CCDC175: variants seen among roughly 807,000 people sequenced by gnomAD.
CCDC175 encodes the protein coiled-coil domain-containing protein 175.
Under a neutral mutation model 114.6 loss-of-function variants are expected in CCDC175, and 100 were observed. The observed-to-expected ratio is 0.87, with a 90% CI of 0.74 to 1.03. CCDC175 has a LOEUF of 1.03. CCDC175 is among the 50% of genes least tolerant of loss of function. The probability of loss-of-function intolerance (pLI) is 0.00; values close to 1 mark genes in which losing one functional copy is unlikely to be tolerated. For missense variants in CCDC175, 880 were observed against 917.8 expected (o/e 0.96, Z 0.53); for synonymous variants, 306 against 308.7 (o/e 0.99, Z 0.09).
intron 13 of CCDC175, among the ~76,000 whole-genome samples, chr14:59,532,987 G>A (rs1321304542): frequency 6.6e-6 from 1 of 152,158 alleles, no homozygotes. Flanking sequence ...CACATAATTG[G>A]AAGGAAATGC....
chr14:59,562,151 C>G (rs1896255410), intron 6 of CCDC175, among the ~76,000 whole-genome samples: 1 of 152,218 alleles, frequency 6.6e-6, no homozygotes, highest in Non-Finnish European at 1.5e-5. Flanking sequence ...GATCAATCAT[C>G]AGAATTAGGG....
chr14:59,543,487 C>T, intron 9 of CCDC175, 33 bp from the exon 10 acceptor site: 2 of 852,290 alleles, frequency 2.3e-6, no homozygotes, highest in South Asian at 2.1e-5. Context: ...TTGTTGAAGG[C>T]TGACATAAAT....
chr14:59,574,376 C>T (rs1168670240), intron 2 of CCDC175, among the ~76,000 whole-genome samples: 1 of 152,172 alleles, frequency 6.6e-6, no homozygotes, highest in Non-Finnish European at 1.5e-5. Context: ...ATGTCTGTGA[C>T]ACCTCAGAAG....
chr14:59,509,201 C>T (rs1892616048), intron 19 of CCDC175, among the ~76,000 whole-genome samples: 1 of 152,128 alleles, frequency 6.6e-6, no homozygotes, highest in Non-Finnish European at 1.5e-5. Context: ...GAAGACAGTG[C>T]CCTTGACACT....
intron 14 of CCDC175, among the ~76,000 whole-genome samples, chr14:59,530,888 T>A (rs1894032042): frequency 6.6e-6 from 1 of 152,170 alleles, no homozygotes; most frequent in Non-Finnish European, 1.5e-5. Context: ...ATGTCTCTTC[T>A]TTCATCATCT....
chr14:59,531,011 T>G (rs1490077687), intron 14 of CCDC175, among the ~76,000 whole-genome samples: 3 of 152,018 alleles, frequency 2.0e-5, no homozygotes, highest in African/African-American at 7.3e-5. Flanking sequence ...AAAAGATGAT[T>G]CTGGGCCAGG....
intron 13 of CCDC175, 40 bp downstream of exon 13, chr14:59,537,983 A>G (rs1467466527): frequency 7.2e-7 from 1 of 1,395,654 alleles, no homozygotes; most frequent in Non-Finnish European, 9.7e-7. Flanking sequence ...CCCCTCATGT[A>G]GTCATCCAAA....
intron 11 of CCDC175, 119 bp downstream of exon 11, chr14:59,540,556 G>T (rs1894713380): frequency 1.8e-6 from 2 of 1,141,238 alleles, no homozygotes; most frequent in South Asian, 3.1e-5. Flanking sequence ...CATAATTTAG[G>T]AAAATCATTC....
Position 59,576,665 on chromosome 14 carries a change from C to T in CCDC175, c.111G>A (p.Leu37=), listed in dbSNP as rs1322462341. ...SLELCTLPST[L]GSSVAVEALE... ...GCGCCTCGACCGCGACCGAGGAGCC[C>T]AGGGTGGAGGGTAAGGTGCATAACT... Residue 37 remains leucine (L), a synonymous_variant, in exon 1 of 20, where the codon CTG becomes CTA. Transcript: ENST00000537690. 1 of 1,482,244 alleles carries T rather than the reference C, an allele frequency of 6.7e-7. No homozygotes were observed. Among genetic ancestry groups the T allele is most frequent in the Non-Finnish European group, 8.9e-7 (1 of 1,124,328 alleles). 91.8% of individuals were successfully genotyped at this position (1,482,244 alleles called of 1,614,324 possible).
chr14:59,542,477 A>C (rs890446610), intron 10 of CCDC175, among the ~76,000 whole-genome samples: 4 of 120,586 alleles, frequency 3.3e-5, no homozygotes, highest in South Asian at 2.2e-4. Context: ...CTTTATTACA[A>C]AAAAAAAGTC....
At chr14:59,537,990 C>A in intron 13 of CCDC175, 33 bp downstream of exon 13, 3 of 1,454,870 alleles carry the variant, frequency 2.1e-6, no homozygotes, top group Non-Finnish European at 2.8e-6. Flanking sequence ...TGTAGTCATC[C>A]AAAAGTATTC....
In CCDC175 at chr14:59,568,173, C is replaced by A. The variant is rs1163261464; in HGVS notation, c.491+72G>T. The A allele has an allele frequency of 3.5e-6, 5 of 1,412,554 alleles. No individual in the cohort carries two copies. The African/African-American group carries it at 4.4e-5, about 12-fold the overall frequency. The allele number at this position is 1,412,554 out of a possible 1,614,324, so 87.5% of individuals were successfully genotyped here. On this transcript the variant is annotated intron_variant, in intron 4 of 19. Transcript: ENST00000537690. ...GCCACAGTTCAGATCAGAGAGTAAA[C>A]CCCTCCCGACAATTTTCCCACTCCA...
intron 17 of CCDC175, among the ~76,000 whole-genome samples, chr14:59,517,427 T>C (rs1301744983): frequency 6.6e-6 from 1 of 152,198 alleles, no homozygotes; most frequent in Admixed American, 6.5e-5. Context: ...AACCCCATTG[T>C]CTCAGCCCAA....
intron 7 of CCDC175, among the ~76,000 whole-genome samples, chr14:59,560,294 A>C (rs1333557383): frequency 6.6e-6 from 1 of 152,186 alleles, no homozygotes; most frequent in Non-Finnish European, 1.5e-5. Context: ...ATGTGAGGTT[A>C]CTTGTATTTT....
chr14:59,526,247 T>A (rs1276846950), intron 15 of CCDC175, among the ~76,000 whole-genome samples: 2 of 152,190 alleles, frequency 1.3e-5, no homozygotes, highest in Non-Finnish European at 2.9e-5. Context: ...GTATATACAC[T>A]ATACTTGTAA....
Position 59,511,810 on chromosome 14 carries a change from T to G in CCDC175, c.2099-7A>C, listed in dbSNP as rs377698032. On this transcript the variant is annotated splice_region_variant and splice_polypyrimidine_tract_variant and intron_variant, in intron 17 of 19. Coordinates refer to ENST00000537690, the MANE Select transcript of CCDC175 (RefSeq NM_001164399.2). ...CACAAATCCTTATATTGTGCTAAAA[T>G]AAAGATTTAAAAAATACAATGGTTA... 14 of 1,525,770 alleles carry G rather than the reference T, an allele frequency of 9.2e-6. No homozygotes were observed. Among genetic ancestry groups the G allele is most frequent in the Non-Finnish European group, 1.2e-5 (14 of 1,136,836 alleles). The allele number at this position is 1,525,770 out of a possible 1,614,324, so 94.5% of individuals were successfully genotyped here. A position where few individuals can be genotyped will look rare whatever the true frequency, so the allele number is the denominator to read the frequency against.
chr14:59,556,674 A>T (rs533480790), intron 7 of CCDC175, among the ~76,000 whole-genome samples: 1 of 152,356 alleles, frequency 6.6e-6, no homozygotes, highest in East Asian at 1.9e-4. Flanking sequence ...GTGAATAGGC[A>T]ACCTACAGAA....
rs906233343 is a variant in CCDC175, at chr14:59,538,003, A to C, written c.1623+20T>G. Reference sequence around the variant, plus strand: ...CATGTAGTCATCCAAAAGTATTCTTAGATGCAAAATAAAATTTACCTCATA... The same window carrying C: ...CATGTAGTCATCCAAAAGTATTCTTCGATGCAAAATAAAATTTACCTCATA... On this transcript the variant is annotated intron_variant, in intron 13 of 19. Transcript: ENST00000537690. 6.7e-7 allele frequency: 1 copy of C among 1,493,026 alleles called. No individual in the cohort carries two copies. Among genetic ancestry groups the C allele is most frequent in the Non-Finnish European group, 9.0e-7 (1 of 1,110,404 alleles). 92.5% of individuals were successfully genotyped at this position (1,493,026 alleles called of 1,614,324 possible).
Position 59,565,080 on chromosome 14 carries a change from T to C in CCDC175, c.687A>G (p.Glu229=). ...TCAACTCTTGTTTTCTTATTAGATA[T>C]TCTGCCCTTTCTTTTTCCATTAGCT... ...AEELMEKERA[E]YLIRKQELTA... The change falls in exon 5 of 20, where the codon GAA becomes GAG. Residue 229 remains glutamate (E), a synonymous_variant. Coordinates refer to ENST00000537690, the MANE Select transcript of CCDC175 (RefSeq NM_001164399.2). 1 of 1,537,260 alleles carries C rather than the reference T, an allele frequency of 6.5e-7. No individual in the cohort carries two copies. The highest frequency in any genetic ancestry group is 8.7e-7 in the Non-Finnish European group (1 of 1,146,808).
Sources: gnomAD v4.1 joint callset for allele counts (sites outside exome capture counted in the v4.1 genomes callset) on GRCh38, gnomAD v4.1.1 for gene constraint, MANE v1.5 for transcripts, NCBI Gene and HGNC (gene_info 2026-07-23, HGNC 2026-07-21) for gene names.